Variants in SLC9A3 observed in about 807,000 individuals in gnomAD.
SLC9A3 encodes the protein sodium/hydrogen exchanger 3.
SLC9A3 carries 37 observed loss-of-function variants against 86.8 expected under a neutral mutation model. The observed-to-expected ratio is 0.43, with a 90% CI of 0.33 to 0.56. The LOEUF is 0.56. Ranked by LOEUF, SLC9A3 falls within the 20% of genes least tolerant of loss-of-function variation. The pLI is 0.06. For synonymous variants in SLC9A3, 581 were observed against 528.3 expected (o/e 1.10, Z -1.37); for missense variants, 1,011 against 1,171.9 (o/e 0.86, Z 2.00).
intron 1 of SLC9A3, among the ~76,000 whole-genome samples, chr5:504,834 G>T (rs1740472931): frequency 6.6e-6 from 1 of 152,066 alleles, no homozygotes; most frequent in Non-Finnish European, 1.5e-5. Context: ...GAGGGCAGGG[G>T]TGCGGCTGGT....
intron 1 of SLC9A3, among the ~76,000 whole-genome samples, chr5:509,224 C>G (rs375469050): frequency 2.0e-5 from 3 of 150,350 alleles, no homozygotes; most frequent in African/African-American, 7.4e-5. Context: ...AATGGTGGAG[C>G]GGATCACTTG....
intron 1 of SLC9A3, among the ~76,000 whole-genome samples, chr5:493,501 G>C (rs561992666): frequency 1.3e-5 from 2 of 152,376 alleles, no homozygotes; most frequent in South Asian, 4.1e-4. Flanking sequence ...GCAGGGCCGG[G>C]TGCTGGCCCA....
At chr5:477,175 G>A in intron 11 of SLC9A3, 157 bp downstream of exon 11, 2 of 590,364 alleles carry the variant, frequency 3.4e-6, no homozygotes, top group Non-Finnish European at 6.1e-6. Flanking sequence ...GCCTAATATA[G>A]GAGGGCTTGT....
At chr5:499,129 G>A (rs1286240630) in intron 1 of SLC9A3, among the ~76,000 whole-genome samples, 1 of 152,224 alleles carries the variant, frequency 6.6e-6, no homozygotes, top group East Asian at 1.9e-4. Flanking sequence ...CTCAGCCTGG[G>A]GCTGGTCTGC....
chr5:477,785 A>C (rs1738851019), intron 10 of SLC9A3: 1 of 235,202 alleles, frequency 4.3e-6, no homozygotes, highest in Non-Finnish European at 8.2e-6. Context: ...AGAATCATTG[A>C]AGTGGTCTCT....
At chr5:478,249 T>G (rs72700690) in intron 10 of SLC9A3, 24,236 of 152,320 alleles carry the variant, frequency 0.16, 2,598 homozygotes, top group Non-Finnish European at 0.22. Context: ...CCTGCTCTTT[T>G]GCTTCTAAAT....
At chr5:477,545 G>T in intron 10 of SLC9A3, 101 bp from the exon 11 acceptor site, 1 of 764,956 alleles carries the variant, frequency 1.3e-6, no homozygotes, top group Non-Finnish European at 2.1e-6. Flanking sequence ...GGGGCCCGGG[G>T]AAAGCCTTGA....
At chr5:504,698 C>A (rs1380459907) in intron 1 of SLC9A3, among the ~76,000 whole-genome samples, 3 of 152,188 alleles carry the variant, frequency 2.0e-5, no homozygotes, top group Non-Finnish European at 4.4e-5. Flanking sequence ...GGACCTGCAC[C>A]CCTCAGCGCT....
At chr5:512,993 G>T (rs1202797779) in intron 1 of SLC9A3, among the ~76,000 whole-genome samples, 1 of 152,206 alleles carries the variant, frequency 6.6e-6, no homozygotes, top group East Asian at 1.9e-4. Flanking sequence ...GAGGGGGAAA[G>T]GCGGTTACAG....
At chr5:483,911 G>A (rs1038178492) in intron 5 of SLC9A3, among the ~76,000 whole-genome samples, 1 of 152,270 alleles carries the variant, frequency 6.6e-6, no homozygotes, top group African/African-American at 2.4e-5. Context: ...ACGGGACACT[G>A]CTCTGAAGGT....
At chr5:523,962 G>A (rs1182954051) in intron 1 of SLC9A3, 150 bp downstream of exon 1, 4 of 444,226 alleles carry the variant, frequency 9.0e-6, no homozygotes, top group African/African-American at 4.1e-5. Flanking sequence ...TCGCTCCCGA[G>A]TCTCGCTCTG....
Position 473,249 on chromosome 5 carries a change from G to C in SLC9A3, c.*130C>G, listed in dbSNP as rs1579756647. ...TCTGCGCAGGCGCTGGCGTGGGCGA[G>C]GCGGGGCTCGGGGCTCGCGGTCGCT... On this transcript the variant is annotated 3_prime_UTR_variant, in exon 17 of 17. Coordinates refer to ENST00000264938, the MANE Select transcript of SLC9A3 (RefSeq NM_004174.4). 1.9e-6 allele frequency: 2 copies of C among 1,032,092 alleles called. No homozygotes were observed. Among genetic ancestry groups the C allele is most frequent in the East Asian group, 6.8e-5 (2 of 29,478 alleles). 63.9% of individuals were successfully genotyped at this position (1,032,092 alleles called of 1,614,324 possible).
At chr5:513,895 C>A (rs1448129214) in intron 1 of SLC9A3, among the ~76,000 whole-genome samples, 1 of 152,234 alleles carries the variant, frequency 6.6e-6, no homozygotes, top group Non-Finnish European at 1.5e-5. Flanking sequence ...GGGCTGCGCC[C>A]CAGGGCTCCT....
rs1738485357 is a variant in SLC9A3, at chr5:473,161, C to T, written c.*218G>A. On this transcript the variant is annotated 3_prime_UTR_variant, in exon 17 of 17. Transcript: ENST00000264938. ...CGGCGCTCCGGCCCCGCCCCCGGCGCAGGCCCCGCCCCCGGCTCGCCCTCG... is the reference window on the plus strand; with the variant it reads ...CGGCGCTCCGGCCCCGCCCCCGGCGTAGGCCCCGCCCCCGGCTCGCCCTCG... The T allele has an allele frequency of 4.8e-6, 2 of 412,708 alleles. No homozygotes were observed. The highest frequency in any genetic ancestry group is 5.0e-5 in the Admixed American group (1 of 19,954). 25.6% of individuals were successfully genotyped at this position (412,708 alleles called of 1,614,324 possible). A position where few individuals can be genotyped will look rare whatever the true frequency, so the allele number is the denominator to read the frequency against.
intron 1 of SLC9A3, among the ~76,000 whole-genome samples, chr5:513,647 A>C (rs1335724324): frequency 1.3e-5 from 2 of 152,188 alleles, no homozygotes; most frequent in Non-Finnish European, 2.9e-5. Context: ...ACTTCACAGC[A>C]CACACATGCC....
At chr5:499,772 G>A (rs898050544) in intron 1 of SLC9A3, among the ~76,000 whole-genome samples, 1 of 152,324 alleles carries the variant, frequency 6.6e-6, no homozygotes, top group African/African-American at 2.4e-5. Flanking sequence ...TGCCAAGGTG[G>A]CTCCTAGAGA....
At chr5:482,439 T>G in intron 7 of SLC9A3, 109 bp downstream of exon 7, 1 of 942,636 alleles carries the variant, frequency 1.1e-6, no homozygotes, top group Non-Finnish European at 1.6e-6. Flanking sequence ...ACTAAAATTA[T>G]GAAACCCAAT....
Position 472,548 on chromosome 5 carries a change from G to A in SLC9A3, c.*831C>T, listed in dbSNP as rs540050991. On this transcript the variant is annotated 3_prime_UTR_variant, in exon 17 of 17. Coordinates refer to ENST00000264938, the MANE Select transcript of SLC9A3 (RefSeq NM_004174.4). ...GAGACCTCGTCTGTGGGGACGGGCC[G>A]TGTCCGGGGCCGCCACCCTGAGACC... 6 of 346,636 alleles carry A rather than the reference G, an allele frequency of 1.7e-5. No homozygotes were observed. The East Asian group carries it at 5.6e-4, about 32-fold the overall frequency. 21.5% of individuals were successfully genotyped at this position (346,636 alleles called of 1,614,324 possible).
chr5:482,237 C>T (rs1579778801), intron 7 of SLC9A3, 80 bp from the exon 8 acceptor site: 2 of 1,116,296 alleles, frequency 1.8e-6, no homozygotes, highest in East Asian at 2.5e-5. Context: ...CCACACAGAG[C>T]CACCTGCCCC....
Sources: gnomAD v4.1 joint callset for allele counts (sites outside exome capture counted in the v4.1 genomes callset) on GRCh38, gnomAD v4.1.1 for gene constraint, MANE v1.5 for transcripts, NCBI Gene and HGNC (gene_info 2026-07-23, HGNC 2026-07-21) for gene names.